Variants in GPLD1 observed in about 807,000 individuals in gnomAD.
GPLD1 encodes phosphatidylinositol-glycan-specific phospholipase D.
In GPLD1, 84 loss-of-function variants were observed where a neutral mutation model predicts 112.6. The observed-to-expected ratio is 0.75, with a 90% CI of 0.63 to 0.89. The LOEUF (loss-of-function observed/expected upper bound fraction) is 0.89, where lower values mean the gene tolerates loss of function less well. Among genes scored for constraint, GPLD1 ranks in the 40% least tolerant of loss-of-function variants. The pLI, the probability that GPLD1 is intolerant of heterozygous loss-of-function variation, is 0.00. For synonymous variants in GPLD1, 386 were observed against 403.8 expected (o/e 0.96, Z 0.53); for missense variants, 1,044 against 1,051.5 (o/e 0.99, Z 0.10).
rs1237022237 is a variant in GPLD1, at chr6:24,467,212, G to T, written c.608C>A (p.Thr203Asn). The T allele has an allele frequency of 1.2e-5, 20 of 1,607,096 alleles. No individual in the cohort carries two copies. The highest frequency in any genetic ancestry group is 1.4e-5 in the Non-Finnish European group (17 of 1,173,750). ...YEKLYGRKVI[T>N]ENVIVDCSHI... ...TGAACAATCAACGATTACATTTTCG[G>T]TGATGACTTTTCGACCATACAGTTT... Residue 203 changes from threonine (T) to asparagine (N), a missense_variant, in exon 8 of 25, where the codon ACC (threonine) becomes AAC (asparagine). Physicochemically the swap from Thr to Asn is moderately conservative, Grantham distance 65 (BLOSUM62 0). Coordinates refer to ENST00000230036, the MANE Select transcript of GPLD1 (RefSeq NM_001503.4).
At chr6:24,438,418 T>C (rs183043548) in intron 20 of GPLD1, among the ~76,000 whole-genome samples, 12 of 152,326 alleles carry the variant, frequency 7.9e-5, no homozygotes, top group Non-Finnish European at 1.5e-5. Flanking sequence ...TGCCGTATGC[T>C]GGCAAAGTGT....
chr6:24,469,779 A>T (rs1004240949), intron 7 of GPLD1, among the ~76,000 whole-genome samples: 12 of 72,870 alleles, frequency 1.6e-4, no homozygotes, highest in African/African-American at 3.6e-4. Flanking sequence ...AAAGTATAAT[A>T]AAAAAAAAAT....
chr6:24,437,272 C>T lies in GPLD1; in HGVS notation c.2038G>A (p.Ala680Thr). Residue 680 changes from alanine (A) to threonine (T), a missense_variant, in exon 21 of 25, where the codon GCA becomes ACA. Ala to Thr is a moderately conservative substitution (Grantham distance 58). Transcript: ENST00000230036. ...APTYDDVSKV[A>T]FLTVTLHQGG... ...TGGTGTAGGGTCACGGTCAGGAATG[C>T]CACCTTAGACACGTCATCTGAAACG... is the stretch of plus-strand genomic sequence containing the variant. The T allele has an allele frequency of 6.2e-7, 1 of 1,613,624 alleles. No homozygotes were observed. The highest frequency in any genetic ancestry group is 8.5e-7 in the Non-Finnish European group (1 of 1,179,806).
chr6:24,432,178 CAG>C (rs1762424054), intron 24 of GPLD1, among the ~76,000 whole-genome samples: 1 of 139,440 alleles, frequency 7.2e-6, no homozygotes, highest in African/African-American at 2.7e-5. Context: ...GTCCAGGAGA[CAG>C]AGGTTGCAGT....
rs369216415 is a variant in GPLD1 at position 24,445,543 on chromosome 6, T to C, written c.2020+3A>G. The C allele has an allele frequency of 3.0e-5, 48 of 1,604,052 alleles. No homozygotes were observed. In the African/African-American group the frequency reaches 5.3e-4, roughly 18 times the overall value. ...AAGCACAGTTTCACAGTGTGTGACC[T>C]ACCGTACGTAGGGGCTCCAACCAGC... On this transcript the variant is annotated splice_donor_region_variant and intron_variant, in intron 20 of 24. Coordinates refer to ENST00000230036, the MANE Select transcript of GPLD1 (RefSeq NM_001503.4).
chr6:24,467,267 G>A lies in GPLD1; in HGVS notation c.553C>T (p.Pro185Ser). Residue 185 changes from proline (P) to serine (S), a missense_variant, in exon 8 of 25, where the codon CCA becomes TCA. Coordinates refer to ENST00000230036, the MANE Select transcript of GPLD1 (RefSeq NM_001503.4). ...FNYLARRWYV[P>S]VKDLLGIYEK... is the part of the protein sequence containing the mutation. ...TAAATTCCCAGTAGATCTTTGACTGGCACATACCTGAAAAATGCAGAATAA... is the reference window on the plus strand; with the variant it reads ...TAAATTCCCAGTAGATCTTTGACTGACACATACCTGAAAAATGCAGAATAA... 6.5e-7 allele frequency: 1 copy of A among 1,549,468 alleles called. No homozygotes were observed. The highest frequency in any genetic ancestry group is 8.9e-7 in the Non-Finnish European group (1 of 1,121,722).
At chr6:24,434,551 T>G (rs1762508828) in intron 22 of GPLD1, among the ~76,000 whole-genome samples, 1 of 152,182 alleles carries the variant, frequency 6.6e-6, no homozygotes, top group African/African-American at 2.4e-5. Context: ...CCTGGCAGTG[T>G]AACCTTGAAT....
At chr6:24,493,251 G>A (rs142659878), upstream of GPLD1, among the ~76,000 whole-genome samples, 96 of 152,262 alleles carry the variant, frequency 6.3e-4, 1 homozygote, top group East Asian at 0.012. Context: ...CAAGGAGGGC[G>A]GATAACTTGA....
At position 24,460,280 on chromosome 6, in the gene GPLD1, G is replaced by A. The variant is rs140895057; in HGVS notation, c.1007C>T (p.Pro336Leu). 226 of 1,613,664 alleles carry A rather than the reference G, an allele frequency of 1.4e-4. 1 individual carries two copies. The highest frequency in any genetic ancestry group is 4.2e-4 in the South Asian group (38 of 91,014). ...GVFFSVNSWT[P>L]DSMSFIYKAL... ...CAACTTAGAGCAGAAAATTCTTACC[G>A]GGGTCCAGGAATTTACACTAAAGAA... The change falls in exon 12 of 25, where the codon CCG becomes CTG. Residue 336 changes from proline to leucine, a missense_variant and splice_region_variant. By Grantham distance (98) the Pro-to-Leu change is moderately conservative. Coordinates refer to ENST00000230036, the MANE Select transcript of GPLD1 (RefSeq NM_001503.4).
At position 24,454,105 on chromosome 6, in the gene GPLD1, G is replaced by A. The variant is rs772937511; in HGVS notation, c.1245C>T (p.Arg415=). The change falls in exon 14 of 25, where the codon CGC becomes CGT. Residue 415 remains arginine (R), a synonymous_variant. Coordinates refer to ENST00000230036, the MANE Select transcript of GPLD1 (RefSeq NM_001503.4). ...YSRPGHIHIG[R]VYLIYGNDLG... is the part of the protein sequence containing the mutation. Reference sequence around the variant, plus strand: ...GGTCATTGCCGTAGATGAGGTACACGCGCCCGATGTGGATGTGGCCGGGGC... The same window carrying A: ...GGTCATTGCCGTAGATGAGGTACACACGCCCGATGTGGATGTGGCCGGGGC... 9.9e-6 allele frequency: 16 copies of A among 1,613,790 alleles called. No individual in the cohort carries two copies. The South Asian group carries it at 1.3e-4, about 13-fold the overall frequency.
intron 24 of GPLD1, among the ~76,000 whole-genome samples, chr6:24,429,570 CAG>C (rs1219729485): frequency 2.0e-5 from 3 of 152,154 alleles, no homozygotes; most frequent in Non-Finnish European, 4.4e-5. Context: ...TTTTTTGAAA[CAG>C]AGTCTTGCCC....
intron 14 of GPLD1, among the ~76,000 whole-genome samples, chr6:24,450,524 AAAGT>A (rs1763048074): frequency 6.6e-6 from 1 of 152,146 alleles, no homozygotes; most frequent in Non-Finnish European, 1.5e-5. Flanking sequence ...AACAAAAAAG[AAAGT>A]ATCTAAAATA....
chr6:24,447,170 ACATTT>A lies in GPLD1; in HGVS notation c.1679-196_1679-192del, dbSNP rs1410838543. On this transcript the variant is annotated intron_variant, in intron 17 of 24. Coordinates refer to ENST00000230036, the MANE Select transcript of GPLD1 (RefSeq NM_001503.4). ...GAATCTCACTCTTCATACAAGAAAT[ACATTT>A]CTAGAGCTCACTTCTGTGGAGCAGA... 3.3e-5 allele frequency among the ~76,000 whole-genome samples: 5 copies of A among 152,114 alleles called. No homozygotes were observed. The East Asian group carries it at 7.7e-4, about 23-fold the overall frequency.
Position 24,489,425 on chromosome 6 carries a change from G to C in GPLD1, c.87C>G (p.His29Gln). The stretch of plus-strand genomic sequence containing the variant: ...GACACCAGTACTTACCTATTTCTAC[G>C]TGTGTTGAAAGGCCACACGGTGAAC... ...HRGSPCGLST[H>Q]VEIGHRALEF... The change falls in exon 1 of 25, where the codon CAC (histidine) becomes CAG (glutamine). Residue 29 changes from histidine to glutamine, a missense_variant. Coordinates refer to ENST00000230036, the MANE Select transcript of GPLD1 (RefSeq NM_001503.4). 2 of 1,603,782 alleles carry C rather than the reference G, an allele frequency of 1.2e-6. No homozygotes were observed. Among genetic ancestry groups the C allele is most frequent in the African/African-American group, 1.3e-5 (1 of 74,754 alleles).
downstream of GPLD1, chr6:24,424,149 T>A (rs77152962): frequency 0.12 from 18,699 of 151,520 alleles, 1,505 homozygotes; most frequent in East Asian, 0.16. Context: ...GTATTAACCT[T>A]ACAACAGACT....
intron 13 of GPLD1, 151 bp from the exon 14 acceptor site, chr6:24,454,352 G>C: frequency 4.0e-6 from 2 of 504,388 alleles, no homozygotes; most frequent in Non-Finnish European, 6.9e-6. Context: ...CACTTCTCAG[G>C]TTGTATTGTT....
intron 12 of GPLD1, among the ~76,000 whole-genome samples, chr6:24,457,600 C>T (rs528993876): frequency 1.2e-4 from 18 of 152,116 alleles, no homozygotes; most frequent in African/African-American, 4.1e-4. Flanking sequence ...TCCTCCAGAC[C>T]GGCCAGGCGT....
intron 22 of GPLD1, among the ~76,000 whole-genome samples, chr6:24,434,029 C>T (rs560300801): frequency 4.6e-5 from 7 of 151,726 alleles, no homozygotes; most frequent in African/African-American, 1.2e-4. Context: ...ACTCATCAGC[C>T]GGTAAATATC....
intron 1 of GPLD1, among the ~76,000 whole-genome samples, chr6:24,488,411 CAAAA>C (rs11304420): frequency 7.4e-6 from 1 of 135,424 alleles, no homozygotes; most frequent in Admixed American, 7.3e-5. Flanking sequence ...GACTCCGTCT[CAAAA>C]AAAAAAAAAA....
Sources: allele counts gnomAD v4.1 joint callset (sites outside exome capture counted in the v4.1 genomes callset), GRCh38; gene constraint gnomAD v4.1.1; transcripts MANE v1.5; gene names NCBI Gene and HGNC (gene_info 2026-07-23, HGNC 2026-07-21).